EXOC6B: variants seen among roughly 807,000 people sequenced by gnomAD.
The protein encoded by EXOC6B is SEC15 homolog B.
In EXOC6B, 54 loss-of-function variants were observed where a neutral mutation model predicts 113.5. That is an observed-to-expected ratio of 0.48 (90% CI 0.38 to 0.60). The LOEUF (loss-of-function observed/expected upper bound fraction) is 0.60, where lower values mean the gene tolerates loss of function less well. Ranked by LOEUF, EXOC6B falls within the 20% of genes least tolerant of loss-of-function variation. The pLI, the probability that EXOC6B is intolerant of heterozygous loss-of-function variation, is 0.00. For missense variants in EXOC6B, 797 were observed against 977.5 expected (o/e 0.82, Z 2.46); for synonymous variants, 357 against 339.0 (o/e 1.05, Z -0.58).
rs1183950982 is a variant in EXOC6B at position 72,818,311 on chromosome 2, ATTTTTTT to A, written c.113+7480_113+7486del. Among the ~76,000 whole-genome samples, 313 of 117,820 alleles carry A rather than the reference ATTTTTTT, an allele frequency of 2.7e-3. 1 individual carries two copies. Among genetic ancestry groups the A allele is most frequent in the Non-Finnish European group, 4.3e-3 (247 of 57,794 alleles). 77.3% of individuals were successfully genotyped at this position (117,820 alleles called of 152,430 possible). A position where few individuals can be genotyped will look rare whatever the true frequency, so the allele number is the denominator to read the frequency against. On this transcript the variant is annotated intron_variant, in intron 1 of 21. Transcript: ENST00000272427. ...AGGTGCCTGCCACCAGGCCCAGCTA[ATTTTTTT>A]TTTTTTTTTTTTTTTTGTATTTTTA...
intron 6 of EXOC6B, among the ~76,000 whole-genome samples, chr2:72,663,157 C>A (rs1001830204): frequency 3.9e-5 from 6 of 152,174 alleles, no homozygotes; most frequent in Non-Finnish European, 8.8e-5. Flanking sequence ...CTATAAACAA[C>A]TTGTAATACA....
intron 6 of EXOC6B, among the ~76,000 whole-genome samples, chr2:72,601,112 ATGTGTGTGTGTATGTGTG>A (rs1331181295): frequency 1.3e-4 from 19 of 141,570 alleles, no homozygotes; most frequent in Admixed American, 8.0e-4. Context: ...ATATATATAT[ATGTGTGTGTGTATGTGTG>A]TGTGTGTGTG....
intron 6 of EXOC6B, among the ~76,000 whole-genome samples, chr2:72,698,178 T>G (rs1239860519): frequency 1.3e-5 from 2 of 152,084 alleles, no homozygotes. Context: ...AGGAATTAAC[T>G]GACAGTACAA....
At chr2:72,521,732 T>C (rs1198747718) in intron 8 of EXOC6B, among the ~76,000 whole-genome samples, 1 of 152,224 alleles carries the variant, frequency 6.6e-6, no homozygotes, top group African/African-American at 2.4e-5. Context: ...AGTCTCGCTC[T>C]GTCACTCAGG....
At chr2:72,546,048 T>C (rs1350432128) in intron 8 of EXOC6B, among the ~76,000 whole-genome samples, 1 of 152,224 alleles carries the variant, frequency 6.6e-6, no homozygotes, top group Non-Finnish European at 1.5e-5. Context: ...GTATAGACTA[T>C]ACCAGTAGAA....
At chr2:72,804,504 A>G (rs1400197785) in intron 1 of EXOC6B, among the ~76,000 whole-genome samples, 1 of 152,152 alleles carries the variant, frequency 6.6e-6, no homozygotes, top group Non-Finnish European at 1.5e-5. Flanking sequence ...ACCAGAAATA[A>G]TTTTGCAAAA....
chr2:72,233,837 G>GC (rs999125420), intron 20 of EXOC6B, among the ~76,000 whole-genome samples: 3 of 152,260 alleles, frequency 2.0e-5, no homozygotes, highest in Admixed American at 6.5e-5. Flanking sequence ...CAGGGTGTGT[G>GC]CCCCTACCTA....
At chr2:72,658,266 G>A (rs1674735030) in intron 6 of EXOC6B, among the ~76,000 whole-genome samples, 2 of 79,518 alleles carry the variant, frequency 2.5e-5, no homozygotes, top group African/African-American at 5.4e-5. Context: ...AAAAACTAGG[G>A]GAAAAAAACT....
chr2:72,264,079 G>A (rs1243584690), intron 20 of EXOC6B, among the ~76,000 whole-genome samples: 1 of 152,128 alleles, frequency 6.6e-6, no homozygotes, highest in African/African-American at 2.4e-5. Flanking sequence ...TATAAAAAAG[G>A]ATAATGAACC....
intron 20 of EXOC6B, among the ~76,000 whole-genome samples, chr2:72,256,727 T>C (rs1683375045): frequency 6.6e-6 from 1 of 152,216 alleles, no homozygotes; most frequent in Non-Finnish European, 1.5e-5. Flanking sequence ...AAATCAGCTC[T>C]GAAATCTATC....
intron 18 of EXOC6B, among the ~76,000 whole-genome samples, chr2:72,398,204 C>CTT (rs767422113): frequency 6.6e-6 from 1 of 152,156 alleles, no homozygotes; most frequent in Non-Finnish European, 1.5e-5. Context: ...TAAGTCAGAA[C>CTT]TTTTCCTAAC....
At chr2:72,423,105 T>C (rs896734195) in intron 18 of EXOC6B, among the ~76,000 whole-genome samples, 73 of 152,184 alleles carry the variant, frequency 4.8e-4, no homozygotes, top group Non-Finnish European at 3.4e-4. Context: ...CGCGAAGATC[T>C]GCAGCTTCAC....
intron 19 of EXOC6B, among the ~76,000 whole-genome samples, chr2:72,355,659 A>G (rs541213435): frequency 6.6e-6 from 1 of 152,312 alleles, no homozygotes; most frequent in South Asian, 2.1e-4. Flanking sequence ...CAATCTTCTG[A>G]CTTAATGCTT....
At chr2:72,482,427 C>T (rs35190321) in intron 16 of EXOC6B, among the ~76,000 whole-genome samples, 4 of 148,690 alleles carry the variant, frequency 2.7e-5, no homozygotes, top group East Asian at 2.0e-4. Flanking sequence ...TGGCAGGTAG[C>T]GGGGAGTTTT....
At chr2:72,179,558 T>C in intron 21 of EXOC6B, 97 bp from the exon 22 acceptor site, 1 of 1,373,332 alleles carries the variant, frequency 7.3e-7, no homozygotes. Context: ...TCTTAACCAC[T>C]ACCCAGAGTA....
intron 1 of EXOC6B, among the ~76,000 whole-genome samples, chr2:72,766,845 T>TCC (rs1009117928): frequency 1.6e-4 from 24 of 150,252 alleles, no homozygotes; most frequent in African/African-American, 5.7e-4. Context: ...TCCCAGCTAC[T>TCC]CGGGAGGCTG....
chr2:72,447,210 C>T (rs182971206), intron 18 of EXOC6B, among the ~76,000 whole-genome samples: 1 of 152,246 alleles, frequency 6.6e-6, no homozygotes, highest in Admixed American at 6.5e-5. Context: ...AAATGTTCCT[C>T]TTATAAAGTT....
Position 72,389,697 on chromosome 2 carries a change from G to A in EXOC6B, c.1981-9827C>T, listed in dbSNP as rs569217213. ...TTTTTATTCTTTCAGCATTTTAATC[G>A]TGTCATTTCATTATTTCTGGTTTGC... On this transcript the variant is annotated intron_variant, in intron 18 of 21. Transcript: ENST00000272427. Among the ~76,000 whole-genome samples the A allele has an allele frequency of 4.1e-4, 62 of 151,878 alleles. 1 individual carries two copies. Among genetic ancestry groups the A allele is most frequent in the African/African-American group, 1.4e-3 (58 of 41,436 alleles).
chr2:72,255,333 T>C (rs959934216), intron 20 of EXOC6B, among the ~76,000 whole-genome samples: 40 of 152,220 alleles, frequency 2.6e-4, no homozygotes, highest in African/African-American at 9.4e-4. Flanking sequence ...CAAAATTCTA[T>C]AAACAGAAAA....
Sources: gnomAD v4.1 joint callset for allele counts (sites outside exome capture counted in the v4.1 genomes callset) on GRCh38, gnomAD v4.1.1 for gene constraint, MANE v1.5 for transcripts, NCBI Gene and HGNC (gene_info 2026-07-23, HGNC 2026-07-21) for gene names.